Variants in CCDC60 observed in about 807,000 individuals in gnomAD.
The protein encoded by CCDC60 is coiled-coil domain containing 60.
A neutral mutation model predicts 63.5 loss-of-function variants in CCDC60; 54 were observed. The ratio of observed to expected loss-of-function variants is 0.85; its 90% CI spans 0.68 to 1.07. The LOEUF is 1.07. Ranked by LOEUF, CCDC60 falls within the 50% of genes least tolerant of loss-of-function variation. CCDC60 has a pLI of 0.00. For synonymous variants in CCDC60, 206 were observed against 238.8 expected (o/e 0.86, Z 1.27); for missense variants, 651 against 684.3 (o/e 0.95, Z 0.54).
intron 1 of CCDC60, among the ~76,000 whole-genome samples, chr12:119,409,388 C>G (rs779399999): frequency 6.6e-6 from 1 of 152,088 alleles, no homozygotes; most frequent in Non-Finnish European, 1.5e-5. Flanking sequence ...TGCACCACCC[C>G]CCAACCCCCA....
intron 1 of CCDC60, among the ~76,000 whole-genome samples, chr12:119,400,340 C>T (rs1377205893): frequency 2.0e-5 from 3 of 152,226 alleles, no homozygotes; most frequent in Admixed American, 6.5e-5. Flanking sequence ...TGAGCCACTG[C>T]GCCCGGCCCG....
At chr12:119,393,354 A>C (rs1231313865) in intron 1 of CCDC60, among the ~76,000 whole-genome samples, 1 of 152,240 alleles carries the variant, frequency 6.6e-6, no homozygotes, top group Non-Finnish European at 1.5e-5. Context: ...TGCATTTCAC[A>C]ATAGCATCCA....
At position 119,540,473 on chromosome 12, in the gene CCDC60, C is replaced by T. The variant is rs1029483974; in HGVS notation, c.1552-141C>T. 4 of 669,622 alleles carry T rather than the reference C, an allele frequency of 6.0e-6. No individual in the cohort carries two copies. In the East Asian group the frequency reaches 7.8e-5, roughly 13 times the overall value. The allele number at this position is 669,622 out of a possible 1,614,324, so 41.5% of individuals were successfully genotyped here. ...CAAAGGACCACCCCAATCTGATGCT[C>T]CAAGATTATGAATGCCCAAATGGTA... On this transcript the variant is annotated intron_variant, in intron 13 of 13. Transcript: ENST00000327554.
intron 9 of CCDC60, among the ~76,000 whole-genome samples, chr12:119,522,518 T>C (rs1180561703): frequency 6.6e-6 from 1 of 152,082 alleles, no homozygotes; most frequent in Admixed American, 6.6e-5. Context: ...CAGTGTTAAG[T>C]GTTGGGCATG....
chr12:119,403,669 T>A (rs1002028906), intron 1 of CCDC60, among the ~76,000 whole-genome samples: 1 of 152,012 alleles, frequency 6.6e-6, no homozygotes, highest in Non-Finnish European at 1.5e-5. Flanking sequence ...ACTGGCCCTT[T>A]CTACCGCTCC....
chr12:119,539,914 C>T (rs1458105368), intron 13 of CCDC60, among the ~76,000 whole-genome samples: 1 of 152,216 alleles, frequency 6.6e-6, no homozygotes, highest in African/African-American at 2.4e-5. Flanking sequence ...CAGTCCCTCA[C>T]AGCTTCCCTT....
intron 2 of CCDC60, among the ~76,000 whole-genome samples, chr12:119,445,163 G>A (rs546311277): frequency 2.4e-4 from 36 of 152,186 alleles, no homozygotes; most frequent in African/African-American, 8.7e-4. Flanking sequence ...GCCAGGCGCG[G>A]TGGCTCACGC....
intron 1 of CCDC60, among the ~76,000 whole-genome samples, chr12:119,419,623 C>T (rs1435046383): frequency 1.3e-5 from 2 of 152,272 alleles, no homozygotes; most frequent in African/African-American, 2.4e-5. Context: ...TCAGCAATGA[C>T]AGAAAGAATG....
chr12:119,348,779 A>G (rs916989500), intron 1 of CCDC60, among the ~76,000 whole-genome samples: 4 of 152,230 alleles, frequency 2.6e-5, no homozygotes, highest in Admixed American at 2.6e-4. Flanking sequence ...ATGGCATAGT[A>G]TTGAGAAAAG....
intron 5 of CCDC60, among the ~76,000 whole-genome samples, chr12:119,498,331 C>A (rs1228141126): frequency 1.3e-5 from 2 of 149,648 alleles, no homozygotes; most frequent in African/African-American, 4.9e-5. Context: ...TGTTCATCCT[C>A]TTTTTTTTTT....
At chr12:119,507,630 T>TTTTTC (rs1952090225) in intron 7 of CCDC60, among the ~76,000 whole-genome samples, 1 of 123,094 alleles carries the variant, frequency 8.1e-6, no homozygotes, top group Non-Finnish European at 1.6e-5. Flanking sequence ...TTTTTTTTTT[T>TTTTTC]CTAGAAACAG....
chr12:119,494,187 CT>C lies in CCDC60; in HGVS notation c.557+5325del, dbSNP rs551856977. Among the ~76,000 whole-genome samples, 80 of 152,270 alleles carry C rather than the reference CT, an allele frequency of 5.3e-4. 1 individual carries two copies. In the South Asian group the frequency reaches 0.016, roughly 31 times the overall value. On this transcript the variant is annotated intron_variant, in intron 5 of 13. Coordinates refer to ENST00000327554, the MANE Select transcript of CCDC60 (RefSeq NM_178499.5). ...GAAGACCTACCTAGAAATGAGTAGA[CT>C]TTTACAGAGTCACAGACATCAGCTG...
At chr12:119,476,139 C>A (rs1009741355) in intron 3 of CCDC60, among the ~76,000 whole-genome samples, 1 of 152,048 alleles carries the variant, frequency 6.6e-6, no homozygotes, top group Non-Finnish European at 1.5e-5. Flanking sequence ...GTCTGACAAA[C>A]TATGCAGGGA....
intron 3 of CCDC60, among the ~76,000 whole-genome samples, chr12:119,472,888 T>C (rs532835340): frequency 1.3e-5 from 2 of 152,272 alleles, no homozygotes; most frequent in Admixed American, 6.5e-5. Context: ...GCCTCCTTTT[T>C]TTGTAAAGGA....
chr12:119,497,413 G>A, intron 5 of CCDC60, among the ~76,000 whole-genome samples: 1 of 152,156 alleles, frequency 6.6e-6, no homozygotes, highest in African/African-American at 2.4e-5. Context: ...CAGCTAACCA[G>A]GCCTTTTCTT....
intron 2 of CCDC60, among the ~76,000 whole-genome samples, chr12:119,461,951 A>C (rs1249516818): frequency 1.3e-5 from 2 of 152,312 alleles, no homozygotes; most frequent in East Asian, 3.9e-4. Context: ...AAGCTCGTTG[A>C]ATGAACATCC....
intron 2 of CCDC60, among the ~76,000 whole-genome samples, chr12:119,441,064 C>T (rs1361910787): frequency 6.6e-6 from 1 of 152,206 alleles, no homozygotes. Flanking sequence ...CTGACCCCAG[C>T]TGTGGGGCTG....
intron 1 of CCDC60, among the ~76,000 whole-genome samples, chr12:119,355,170 T>TGGTCTCCCTGAGAGAGGGCTGGCCTGA (rs1955703758): frequency 1.3e-5 from 2 of 152,174 alleles, no homozygotes; most frequent in Non-Finnish European, 2.9e-5. Context: ...CAGGGTGACT[T>TGGTCTCCCTGAGAGAGGGCTGGCCTGA]GGTCTCCCTG....
chr12:119,467,345 T>C (rs1211585356), intron 2 of CCDC60, among the ~76,000 whole-genome samples: 1 of 152,234 alleles, frequency 6.6e-6, no homozygotes, highest in African/African-American at 2.4e-5. Context: ...ACAGATTGAA[T>C]GTTTGTGTCC....
Sources: allele counts gnomAD v4.1 joint callset (sites outside exome capture counted in the v4.1 genomes callset), GRCh38; gene constraint gnomAD v4.1.1; transcripts MANE v1.5; gene names NCBI Gene and HGNC (gene_info 2026-07-23, HGNC 2026-07-21).